Variants in GAGE1 observed in about 807,000 individuals in gnomAD.
GAGE1 encodes G antigen 1.
Under a neutral mutation model 5.0 loss-of-function variants are expected in GAGE1, and 5 were observed. The observed-to-expected ratio is 1.00, with a 90% CI of 0.52 to 2.11. The LOEUF (loss-of-function observed/expected upper bound fraction) is 2.11, where lower values mean the gene tolerates loss of function less well. GAGE1 is among the 30% of genes most tolerant of loss of function. The pLI, the probability that GAGE1 is intolerant of heterozygous loss-of-function variation, is 0.01. For missense variants in GAGE1, 9 were observed against 38.9 expected (o/e 0.23, Z 2.04); for synonymous variants, 6 against 14.8 (o/e 0.40, Z 1.37).
In GAGE1 at chrX:49,605,989, T is replaced by G. The variant is rs1309285985; in HGVS notation, c.332-4T>G. The G allele has an allele frequency of 3.7e-6, 4 of 1,066,900 alleles. No homozygotes were observed. The highest frequency in any genetic ancestry group is 3.1e-5 in the Admixed American group (1 of 32,221). The allele number at this position is 1,066,900 out of a possible 1,213,427, so 87.9% of individuals were successfully genotyped here. A position where few individuals can be genotyped will look rare whatever the true frequency, so the allele number is the denominator to read the frequency against. On this transcript the variant is annotated splice_region_variant and splice_polypyrimidine_tract_variant and intron_variant, in intron 4 of 4. Transcript: ENST00000381700. ...ATGTTCCCAACTGTTTTGTTTTGTT[T>G]CAGGTGAAGGGCAATCACAGTGTTA... is the stretch of plus-strand genomic sequence containing the variant.
In GAGE1 at chrX:49,608,294, C is replaced by T. The variant is rs1300417967; in HGVS notation, c.*2279C>T. On this transcript the variant is annotated 3_prime_UTR_variant, in exon 5 of 5. Transcript: ENST00000381700. ...TTTGACTGTGCTGTGACCCAGCCAG[C>T]TGCATGTTTACCCAGCATGCTTGAA... is the stretch of plus-strand genomic sequence containing the variant. 9.0e-6 allele frequency: 1 copy of T among 111,594 alleles called. No individual in the cohort carries two copies. Among genetic ancestry groups the T allele is most frequent in the African/African-American group, 3.3e-5 (1 of 30,734 alleles). The allele number at this position is 111,594 out of a possible 1,213,427, so 9.2% of individuals were successfully genotyped here. A position where few individuals can be genotyped will look rare whatever the true frequency, so the allele number is the denominator to read the frequency against.
At chrX:49,604,387 A>C (rs1248554225) in intron 4 of GAGE1, among the ~76,000 whole-genome samples, 2 of 112,469 alleles carry the variant, frequency 1.8e-5, no homozygotes, top group African/African-American at 6.5e-5. Flanking sequence ...TAATCAATAC[A>C]TAACACATTT....
chrX:49,604,453 T>C (rs190040930), intron 4 of GAGE1, among the ~76,000 whole-genome samples: 66 of 112,499 alleles, frequency 5.9e-4, no homozygotes, highest in Non-Finnish European at 7.5e-4. Flanking sequence ...GGTTCTAATA[T>C]CAGCTCTTAC....
rs1477695570 is a variant in GAGE1 at position 49,606,384 on chromosome X, G to A, written c.*369G>A. Reference sequence around the variant, plus strand: ...GTTTGTTTTTTCTTTTGTATTTTTCGTAGAGGTGGGATTTTGGCCTGTGTC... The same window carrying A: ...GTTTGTTTTTTCTTTTGTATTTTTCATAGAGGTGGGATTTTGGCCTGTGTC... On this transcript the variant is annotated 3_prime_UTR_variant, in exon 5 of 5. Coordinates refer to ENST00000381700, the MANE Select transcript of GAGE1 (RefSeq NM_001040663.4). The A allele has an allele frequency of 5.3e-5, 6 of 113,703 alleles. No homozygotes were observed. The highest frequency in any genetic ancestry group is 1.6e-4 in the African/African-American group (5 of 30,780). 9.4% of individuals were successfully genotyped at this position (113,703 alleles called of 1,213,427 possible). A position where few individuals can be genotyped will look rare whatever the true frequency, so the allele number is the denominator to read the frequency against.
At chrX:49,604,005 G>A (rs1357837591) in intron 4 of GAGE1, among the ~76,000 whole-genome samples, 2 of 112,651 alleles carry the variant, frequency 1.8e-5, no homozygotes, top group East Asian at 2.8e-4. Context: ...GGCGTGCTCC[G>A]CCGTGCCCAG....
chrX:49,604,647 C>G (rs1239595040), intron 4 of GAGE1, among the ~76,000 whole-genome samples: 2 of 112,445 alleles, frequency 1.8e-5, no homozygotes, highest in East Asian at 2.8e-4. Context: ...TTGTTAATCA[C>G]AAATCATGAA....
chrX:49,605,029 G>A (rs2066645860), intron 4 of GAGE1: 2 of 1,020,327 alleles, frequency 2.0e-6, no homozygotes, highest in Non-Finnish European at 2.6e-6. Flanking sequence ...CCCAGACTGG[G>A]ATTCTCTGGC....
At chrX:49,605,630 A>C (rs2066652794) in intron 4 of GAGE1, among the ~76,000 whole-genome samples, 1 of 111,768 alleles carries the variant, frequency 8.9e-6, no homozygotes, top group Non-Finnish European at 1.9e-5. Context: ...TCTGTTGCTC[A>C]GCCGGGCGCT....
intron 4 of GAGE1, among the ~76,000 whole-genome samples, chrX:49,604,017 T>C (rs2066633393): frequency 8.9e-6 from 1 of 112,800 alleles, no homozygotes; most frequent in South Asian, 3.6e-4. Flanking sequence ...CGTGCCCAGC[T>C]AATTGTTGTA....
intron 4 of GAGE1, chrX:49,604,972 T>TA (rs782345213): frequency 1.2e-6 from 1 of 845,154 alleles, no homozygotes; most frequent in Admixed American, 2.6e-5. Context: ...CGTACCTGAG[T>TA]AAAATTTTTT....
In GAGE1 at chrX:49,608,375, A is replaced by C. The variant is rs1481475046; in HGVS notation, c.*2360A>C. On this transcript the variant is annotated 3_prime_UTR_variant, in exon 5 of 5. Coordinates refer to ENST00000381700, the MANE Select transcript of GAGE1 (RefSeq NM_001040663.4). ...TTAAGTTGTTGCTCAAAATATGGAA[A>C]GAATCTAGCTCTGGCCTTGAACCAA... 8.9e-6 allele frequency: 1 copy of C among 112,083 alleles called. No homozygotes were observed. Among genetic ancestry groups the C allele is most frequent in the Non-Finnish European group, 1.9e-5 (1 of 53,246 alleles). 9.2% of individuals were successfully genotyped at this position (112,083 alleles called of 1,213,427 possible).
At chrX:49,604,050 G>C (rs1295190479) in intron 4 of GAGE1, among the ~76,000 whole-genome samples, 7 of 112,423 alleles carry the variant, frequency 6.2e-5, no homozygotes, top group Non-Finnish European at 9.4e-5. Flanking sequence ...ACAGGGTTTC[G>C]TTATGTTGCA....
intron 4 of GAGE1, chrX:49,604,977 T>A (rs782417604): frequency 2.5e-6 from 2 of 799,101 alleles, no homozygotes; most frequent in Admixed American, 2.7e-5. Flanking sequence ...CTGAGTAAAA[T>A]TTTTTTTTTC....
intron 4 of GAGE1, among the ~76,000 whole-genome samples, chrX:49,604,010 G>C (rs1423944098): frequency 3.5e-5 from 4 of 112,817 alleles, no homozygotes; most frequent in African/African-American, 1.3e-4. Context: ...GCTCCGCCGT[G>C]CCCAGCTAAT....
chrX:49,602,242 C>T (rs1457272763), intron 3 of GAGE1, among the ~76,000 whole-genome samples: 2 of 112,208 alleles, frequency 1.8e-5, no homozygotes, highest in African/African-American at 6.5e-5. Flanking sequence ...AGTTTTTGTG[C>T]CTAGTGGCTG....
In GAGE1 at chrX:49,606,777, G is replaced by GA. The variant is rs1557132270; in HGVS notation, c.*764dup. ...TGACCTGAGTCATCTTAAAACATGT[G>GA]AATTGAGATTTCTTTGCTACTAAGA... is the stretch of plus-strand genomic sequence containing the variant. On this transcript the variant is annotated 3_prime_UTR_variant, in exon 5 of 5. Coordinates refer to ENST00000381700, the MANE Select transcript of GAGE1 (RefSeq NM_001040663.4). 8.9e-6 allele frequency: 1 copy of GA among 111,944 alleles called. No homozygotes were observed. The highest frequency in any genetic ancestry group is 9.5e-5 in the Admixed American group (1 of 10,491). The allele number at this position is 111,944 out of a possible 1,213,427, so 9.2% of individuals were successfully genotyped here.
At chrX:49,605,580 C>G (rs369094907) in intron 4 of GAGE1, among the ~76,000 whole-genome samples, 20 of 111,899 alleles carry the variant, frequency 1.8e-4, no homozygotes, top group Middle Eastern at 4.7e-3. Flanking sequence ...AAAACCCAAA[C>G]TGTAGTGTGC....
In GAGE1 at chrX:49,608,457, C is replaced by T. The variant is rs1557132439; in HGVS notation, c.*2442C>T. The T allele has an allele frequency of 1.8e-5, 2 of 111,791 alleles. No homozygotes were observed. Among genetic ancestry groups the T allele is most frequent in the Non-Finnish European group, 3.8e-5 (2 of 53,214 alleles). The allele number at this position is 111,791 out of a possible 1,213,427, so 9.2% of individuals were successfully genotyped here. ...CCTGACCCCCTCAGTGCGGATATAC[C>T]TAGGCATGACATTCTTGTTGCCTGT... On this transcript the variant is annotated 3_prime_UTR_variant, in exon 5 of 5. Coordinates refer to ENST00000381700, the MANE Select transcript of GAGE1 (RefSeq NM_001040663.4).
chrX:49,605,580 C>T (rs369094907), intron 4 of GAGE1, among the ~76,000 whole-genome samples: 1 of 111,846 alleles, frequency 8.9e-6, no homozygotes, highest in Non-Finnish European at 1.9e-5. Context: ...AAAACCCAAA[C>T]TGTAGTGTGC....
Sources: allele counts gnomAD v4.1 joint callset (sites outside exome capture counted in the v4.1 genomes callset), GRCh38; gene constraint gnomAD v4.1.1; transcripts MANE v1.5; gene names NCBI Gene and HGNC (gene_info 2026-07-23, HGNC 2026-07-21).